RANBP2: variants seen among roughly 807,000 people sequenced by gnomAD.
RANBP2 encodes the protein RAN binding protein 2.
A neutral mutation model predicts 303.6 loss-of-function variants in RANBP2; 57 were observed. The observed-to-expected ratio is 0.19, with a 90% CI of 0.15 to 0.23. The LOEUF (loss-of-function observed/expected upper bound fraction) is 0.23. Ranked by LOEUF, RANBP2 falls within the 10% of genes least tolerant of loss-of-function variation. RANBP2 has a pLI of 1.00. For missense variants in RANBP2, 3,138 were observed against 3,780.8 expected, an observed-to-expected ratio of 0.83 and a Z score of 4.46; for synonymous variants, 1,167 against 1,301.5, an observed-to-expected ratio of 0.90 and a Z score of 2.23.
chr2:109,599,991 C>T, the RANBP2 span, among the ~76,000 whole-genome samples: 15 of 152,292 alleles, frequency 9.8e-5, no homozygotes, highest in Admixed American at 6.5e-4. Context: ...TCAAGCAATA[C>T]CTAGTCCTGT....
chr2:109,691,309 T>G, the RANBP2 span, among the ~76,000 whole-genome samples: 1 of 152,156 alleles, frequency 6.6e-6, no homozygotes, highest in Admixed American at 6.6e-5. Context: ...GCAATAGTGG[T>G]CTCGGTCTAA....
At chr2:109,614,075 C>T in the RANBP2 span, 4 of 1,211,698 alleles carry the variant, frequency 3.3e-6, no homozygotes, top group Non-Finnish European at 4.1e-6. Flanking sequence ...ACAGGAGCTA[C>T]CCTCGACGCC....
At chr2:109,494,630 A>C in the RANBP2 span, among the ~76,000 whole-genome samples, 1 of 152,086 alleles carries the variant, frequency 6.6e-6, no homozygotes, top group South Asian at 2.1e-4. Flanking sequence ...GGGCCAGAAC[A>C]CTCAGCTGCC....
At chr2:109,152,528 G>A in the RANBP2 span, among the ~76,000 whole-genome samples, 1 of 152,230 alleles carries the variant, frequency 6.6e-6, no homozygotes, top group Non-Finnish European at 1.5e-5. Context: ...TGGAAACAAC[G>A]AAGTGTTTGA....
the RANBP2 span, among the ~76,000 whole-genome samples, chr2:109,389,752 T>C: frequency 6.6e-6 from 1 of 152,224 alleles, no homozygotes; most frequent in Admixed American, 6.5e-5. Flanking sequence ...CACCAAAAGA[T>C]ACACATTACA....
the RANBP2 span, among the ~76,000 whole-genome samples, chr2:108,844,370 G>A: frequency 6.6e-6 from 1 of 151,870 alleles, no homozygotes; most frequent in South Asian, 2.1e-4. Flanking sequence ...GACTGTTATT[G>A]TATTTCCAGT....
chr2:109,338,706 C>T, the RANBP2 span, among the ~76,000 whole-genome samples: 8 of 152,104 alleles, frequency 5.3e-5, 1 homozygote, highest in Admixed American at 1.3e-4. Context: ...TACAGGCATG[C>T]GCCACCACGC....
At chr2:108,932,212 A>T in the RANBP2 span, among the ~76,000 whole-genome samples, 317 of 152,272 alleles carry the variant, frequency 2.1e-3, 2 homozygotes, top group African/African-American at 7.4e-3. Flanking sequence ...GGTAGAAATT[A>T]GCGAAAGATT....
chr2:109,620,243 G>A, the RANBP2 span, among the ~76,000 whole-genome samples: 1 of 152,168 alleles, frequency 6.6e-6, no homozygotes, highest in Non-Finnish European at 1.5e-5. Flanking sequence ...TTCATGCTAT[G>A]TGAATAGTTT....
At chr2:109,651,839 G>A in the RANBP2 span, among the ~76,000 whole-genome samples, 2 of 152,142 alleles carry the variant, frequency 1.3e-5, no homozygotes, top group African/African-American at 4.8e-5. Context: ...AGATGAACAA[G>A]ATGATGGCGA....
chr2:108,907,977 C>T, the RANBP2 span: 1 of 1,612,292 alleles, frequency 6.2e-7, no homozygotes, highest in Non-Finnish European at 8.5e-7. Context: ...TGTCGACGCT[C>T]CGGCTCAGCA....
At chr2:109,732,362 T>C in the RANBP2 span, among the ~76,000 whole-genome samples, 5 of 152,176 alleles carry the variant, frequency 3.3e-5, no homozygotes, top group Admixed American at 1.3e-4. Context: ...TGTGGGACTG[T>C]TCCTGCCCTG....
chr2:109,203,194 G>T, the RANBP2 span, among the ~76,000 whole-genome samples: 1 of 152,162 alleles, frequency 6.6e-6, no homozygotes, highest in Non-Finnish European at 1.5e-5. Context: ...TGCCTTGCCC[G>T]CAAGAAGGAC....
At chr2:109,686,319 CT>C in the RANBP2 span, among the ~76,000 whole-genome samples, 8 of 151,680 alleles carry the variant, frequency 5.3e-5, no homozygotes, top group Non-Finnish European at 7.4e-5. Context: ...GGTTTTAGTA[CT>C]TTTTTTTTCT....
chr2:108,930,221 G>C, the RANBP2 span: 3 of 1,614,066 alleles, frequency 1.9e-6, no homozygotes, highest in Non-Finnish European at 2.5e-6. Context: ...TATTCCGCTC[G>C]GGCTGAGCAC....
At chr2:109,102,458 A>C in the RANBP2 span, among the ~76,000 whole-genome samples, 1 of 152,178 alleles carries the variant, frequency 6.6e-6, no homozygotes, top group Non-Finnish European at 1.5e-5. Flanking sequence ...AGAAAAGAAA[A>C]AAACTAAAAT....
chr2:109,166,459 G>GAAAAAAAAAAAAAA, the RANBP2 span, among the ~76,000 whole-genome samples: 1 of 134,326 alleles, frequency 7.4e-6, no homozygotes, highest in Admixed American at 7.6e-5. Flanking sequence ...CCTGGTGACA[G>GAAAAAAAAAAAAAA]AAAAAAAAAA....
At chr2:108,861,917 AT>A in the RANBP2 span, among the ~76,000 whole-genome samples, 3 of 151,626 alleles carry the variant, frequency 2.0e-5, no homozygotes, top group Admixed American at 6.6e-5. Flanking sequence ...GTTTCAAAGA[AT>A]TTTTTTTTAT....
intron 4 of RANBP2, among the ~76,000 whole-genome samples, chr2:108,734,912 C>G (rs1465882791): frequency 2.6e-5 from 4 of 152,032 alleles, no homozygotes; most frequent in Non-Finnish European, 5.9e-5. Context: ...AAAAAATTAG[C>G]CGGGCACGGT....
Sources: allele counts gnomAD v4.1 joint callset (sites outside exome capture counted in the v4.1 genomes callset), GRCh38; gene constraint gnomAD v4.1.1; transcripts MANE v1.5; gene names NCBI Gene and HGNC (gene_info 2026-07-23, HGNC 2026-07-21).